The following DPP10 variants were observed in gnomAD, a reference collection of about 807,000 sequenced individuals.
The protein encoded by DPP10 is dipeptidyl peptidase like 10, also known as inactive dipeptidyl peptidase 10.
Under a neutral mutation model 120.9 loss-of-function variants are expected in DPP10, and 33 were observed. The ratio of observed to expected loss-of-function variants is 0.27; its 90% CI spans 0.21 to 0.37. DPP10 has a LOEUF of 0.37. Ranked by LOEUF, DPP10 falls within the 10% of genes least tolerant of loss-of-function variation. The pLI is 1.00. For synonymous variants in DPP10, 337 were observed against 326.1 expected, an observed-to-expected ratio of 1.03 and a Z score of -0.36; for missense variants, 816 against 942.8, an observed-to-expected ratio of 0.87 and a Z score of 1.76.
At chr2:114,453,563 T>C (rs936193249) in intron 1 of DPP10, among the ~76,000 whole-genome samples, 6 of 152,140 alleles carry the variant, frequency 3.9e-5, no homozygotes, top group African/African-American at 1.4e-4. Context: ...TCTTATACCT[T>C]CAGGAGCGTT....
In DPP10 at chr2:115,290,571, G is replaced by T. The variant is rs551474653; in HGVS notation, c.61-18668G>T. Among the ~76,000 whole-genome samples, 5 of 152,194 alleles carry T rather than the reference G, an allele frequency of 3.3e-5. 1 individual carries two copies. In the South Asian group the frequency reaches 1.0e-3, roughly 32 times the overall value. Reference sequence around the variant, plus strand: ...AAAAAAGGAAAGCTACCTGAGACAAGGTGAGAAAATTCTTAATGCCTATTC... The same window carrying T: ...AAAAAAGGAAAGCTACCTGAGACAATGTGAGAAAATTCTTAATGCCTATTC... On this transcript the variant is annotated intron_variant, in intron 1 of 25. Transcript: ENST00000410059.
At chr2:115,022,818 C>A (rs570253746) in intron 1 of DPP10, among the ~76,000 whole-genome samples, 7 of 152,170 alleles carry the variant, frequency 4.6e-5, no homozygotes, top group Admixed American at 1.3e-4. Flanking sequence ...ACTAATGGAA[C>A]AAAATAGATA....
chr2:115,351,052 CA>C (rs1396837718), intron 3 of DPP10, among the ~76,000 whole-genome samples: 1 of 151,960 alleles, frequency 6.6e-6, no homozygotes, highest in Non-Finnish European at 1.5e-5. Context: ...AACTTTCTAC[CA>C]AAAAGACCCA....
At chr2:114,603,347 G>A (rs1382111663) in intron 1 of DPP10, among the ~76,000 whole-genome samples, 3 of 152,054 alleles carry the variant, frequency 2.0e-5, no homozygotes, top group African/African-American at 7.2e-5. Context: ...CATCAGATAG[G>A]CAGCATTGCA....
In DPP10 at chr2:115,603,122, CTGTGTGTGTGTGTGTGTGTG is replaced by C. The variant is rs61161169; in HGVS notation, c.441+77178_441+77197del. ...GTTATCATTTAAAAAATAAATAAAA[CTGTGTGTGTGTGTGTGTGTG>C]TGTGTGTGTGTGTGTGTGTGTGTGT... On this transcript the variant is annotated intron_variant, in intron 5 of 25. Coordinates refer to ENST00000410059, the MANE Select transcript of DPP10 (RefSeq NM_020868.6). Among the ~76,000 whole-genome samples the C allele has an allele frequency of 1.7e-4, 25 of 144,008 alleles. No homozygotes were observed. The South Asian group carries it at 2.9e-3, about 17-fold the overall frequency. The allele number at this position is 144,008 out of a possible 152,430, so 94.5% of individuals were successfully genotyped here. A position where few individuals can be genotyped will look rare whatever the true frequency, so the allele number is the denominator to read the frequency against.
chr2:115,118,909 C>T (rs958054352), intron 1 of DPP10, among the ~76,000 whole-genome samples: 1 of 152,036 alleles, frequency 6.6e-6, no homozygotes, highest in African/African-American at 2.4e-5. Context: ...GCCACCGCGT[C>T]CAGCCTAAAG....
rs1553444856 is a variant in DPP10 at position 115,542,704 on chromosome 2, A to AG, written c.441+16732_441+16733insG. On this transcript the variant is annotated intron_variant, in intron 5 of 25. Transcript: ENST00000410059. ...ATTAAGAGATGACATTAAAAAAAAAAAGAGAGAGATGACATTGAGACCCAT... is the reference window on the plus strand; with the variant it reads ...ATTAAGAGATGACATTAAAAAAAAAAGAGAGAGAGATGACATTGAGACCCAT... Among the ~76,000 whole-genome samples the AG allele has an allele frequency of 4.0e-3, 610 of 151,734 alleles. 1 individual carries two copies. Among genetic ancestry groups the AG allele is most frequent in the Admixed American group, 6.0e-3 (91 of 15,160 alleles).
rs1690440163 is a variant in DPP10 at position 115,844,366 on chromosome 2, T to A, written c.*2021T>A. On this transcript the variant is annotated 3_prime_UTR_variant, in exon 26 of 26. Coordinates refer to ENST00000410059, the MANE Select transcript of DPP10 (RefSeq NM_020868.6). ...AGTATTTGCCTTTTACTGTCATCATTTCTCTTGTTTTATTATTATTATCAA... is the reference window on the plus strand; with the variant it reads ...AGTATTTGCCTTTTACTGTCATCATATCTCTTGTTTTATTATTATTATCAA... 6.6e-6 allele frequency: 1 copy of A among 152,208 alleles called. No individual in the cohort carries two copies. Among genetic ancestry groups the A allele is most frequent in the African/African-American group, 2.4e-5 (1 of 41,158 alleles). The allele number at this position is 152,208 out of a possible 1,614,324, so 9.4% of individuals were successfully genotyped here.
chr2:115,404,695 A>G (rs1353519174), intron 3 of DPP10, among the ~76,000 whole-genome samples: 3 of 152,178 alleles, frequency 2.0e-5, no homozygotes, highest in Admixed American at 6.5e-5. Flanking sequence ...TTGGGAAGCC[A>G]CATTTGATCA....
chr2:115,218,460 A>T (rs564149696), intron 1 of DPP10, among the ~76,000 whole-genome samples: 1 of 152,146 alleles, frequency 6.6e-6, no homozygotes, highest in Admixed American at 6.5e-5. Flanking sequence ...TGACATTTGA[A>T]TAAAATTTAT....
intron 19 of DPP10, among the ~76,000 whole-genome samples, chr2:115,800,550 A>T (rs1685089007): frequency 6.6e-6 from 1 of 152,046 alleles, no homozygotes; most frequent in South Asian, 2.1e-4. Context: ...GTTTTCTTCT[A>T]GGGTTTTTAT....
intron 1 of DPP10, among the ~76,000 whole-genome samples, chr2:114,857,549 T>C (rs946382149): frequency 6.6e-6 from 1 of 152,200 alleles, no homozygotes; most frequent in South Asian, 2.1e-4. Context: ...CCATGCTCTG[T>C]AGTTCACTTC....
At chr2:115,567,144 T>C (rs1357072417) in intron 5 of DPP10, among the ~76,000 whole-genome samples, 1 of 152,046 alleles carries the variant, frequency 6.6e-6, no homozygotes, top group Non-Finnish European at 1.5e-5. Flanking sequence ...TTTCAGCACA[T>C]CTTGACTATT....
At chr2:114,524,039 A>G (rs1173468242) in intron 1 of DPP10, among the ~76,000 whole-genome samples, 1 of 152,244 alleles carries the variant, frequency 6.6e-6, no homozygotes, top group Non-Finnish European at 1.5e-5. Flanking sequence ...AGAGAGGACT[A>G]AAGTGTGGCA....
chr2:114,453,849 T>C (rs1054643824), intron 1 of DPP10, among the ~76,000 whole-genome samples: 5 of 152,234 alleles, frequency 3.3e-5, no homozygotes, highest in African/African-American at 1.2e-4. Flanking sequence ...TGTCTATCCA[T>C]ATGTTAATTC....
At chr2:115,807,007 A>G (rs1179879125) in intron 19 of DPP10, among the ~76,000 whole-genome samples, 1 of 152,152 alleles carries the variant, frequency 6.6e-6, no homozygotes, top group African/African-American at 2.4e-5. Context: ...CTTTCTTTTA[A>G]CCATGAATAA....
chr2:115,151,217 G>T (rs551798134), intron 1 of DPP10, among the ~76,000 whole-genome samples: 1 of 152,008 alleles, frequency 6.6e-6, no homozygotes, highest in East Asian at 1.9e-4. Flanking sequence ...TGTTACTGTT[G>T]GAAAGTTTAA....
intron 1 of DPP10, among the ~76,000 whole-genome samples, chr2:115,063,921 T>C (rs931652149): frequency 7.2e-5 from 11 of 152,352 alleles, no homozygotes; most frequent in Admixed American, 5.2e-4. Context: ...ACTTTTACCA[T>C]TGTAAAATAT....
chr2:114,740,589 C>T (rs141228577), intron 1 of DPP10, among the ~76,000 whole-genome samples: 117 of 152,220 alleles, frequency 7.7e-4, no homozygotes, highest in African/African-American at 2.6e-3. Flanking sequence ...TTCTATCCTT[C>T]GTATGATCAG....
Sources: allele counts gnomAD v4.1 joint callset (sites outside exome capture counted in the v4.1 genomes callset), GRCh38; gene constraint gnomAD v4.1.1; transcripts MANE v1.5; gene names NCBI Gene and HGNC (gene_info 2026-07-23, HGNC 2026-07-21).